TAX1BP1: variants seen among roughly 807,000 people sequenced by gnomAD.
TAX1BP1 encodes the protein Tax1 binding protein 1.
In TAX1BP1, 62 loss-of-function variants were observed where a neutral mutation model predicts 97.7. The observed-to-expected ratio is 0.63, with a 90% CI of 0.52 to 0.78. The LOEUF is 0.78. Ranked by LOEUF, TAX1BP1 falls within the 30% of genes least tolerant of loss-of-function variation. The pLI, the probability that TAX1BP1 is intolerant of heterozygous loss-of-function variation, is 0.00. For missense variants in TAX1BP1, 867 were observed against 916.1 expected (o/e 0.95, Z 0.69); for synonymous variants, 340 against 304.2 (o/e 1.12, Z -1.23).
intron 14 of TAX1BP1, 69 bp from the exon 15 acceptor site, chr7:27,816,821 A>C: frequency 6.5e-7 from 1 of 1,546,756 alleles, no homozygotes; most frequent in Non-Finnish European, 8.8e-7. Context: ...CCTGTTCATC[A>C]TATCTGTATA....
chr7:27,822,881 C>T (rs913370118), intron 15 of TAX1BP1, among the ~76,000 whole-genome samples: 3 of 152,010 alleles, frequency 2.0e-5, no homozygotes, highest in African/African-American at 4.8e-5. Context: ...TTAATTTACT[C>T]GTATGTTTTC....
At chr7:27,806,063 T>C (rs1471078960) in intron 13 of TAX1BP1, among the ~76,000 whole-genome samples, 1 of 152,014 alleles carries the variant, frequency 6.6e-6, no homozygotes, top group Non-Finnish European at 1.5e-5. Context: ...CACTTGTGTT[T>C]TGTTCTAATA....
In TAX1BP1 at chr7:27,813,703, T is replaced by C. The variant is rs546705763; in HGVS notation, c.1765-2646T>C. ...CAGGCTTGTCTCAAACAGGCAATCC[T>C]CCTGCTTTGGCCTCCCAAGTGCCAC... On this transcript the variant is annotated intron_variant, in intron 13 of 16. Coordinates refer to ENST00000396319, the MANE Select transcript of TAX1BP1 (RefSeq NM_006024.7). Among the ~76,000 whole-genome samples, 269 of 152,304 alleles carry C rather than the reference T, an allele frequency of 1.8e-3. 2 individuals carry two copies. The highest frequency in any genetic ancestry group is 0.013 in the South Asian group (62 of 4,828).
At chr7:27,806,754 T>C (rs1790357528) in intron 13 of TAX1BP1, among the ~76,000 whole-genome samples, 1 of 152,172 alleles carries the variant, frequency 6.6e-6, no homozygotes, top group Admixed American at 6.6e-5. Flanking sequence ...TAGTTTTCCA[T>C]AGCAATTTTA....
At chr7:27,817,465 G>T (rs1380157404) in intron 15 of TAX1BP1, among the ~76,000 whole-genome samples, 3 of 152,100 alleles carry the variant, frequency 2.0e-5, no homozygotes, top group Non-Finnish European at 4.4e-5. Flanking sequence ...TCCCACTTTA[G>T]ATTTTAGTGT....
chr7:27,770,083 A>G lies in TAX1BP1; in HGVS notation c.612+249A>G, dbSNP rs531413881. Among the ~76,000 whole-genome samples the G allele has an allele frequency of 1.8e-3, 268 of 152,184 alleles. 1 individual carries two copies. Among genetic ancestry groups the G allele is most frequent in the African/African-American group, 6.1e-3 (253 of 41,538 alleles). ...CTTGTTGAGGTAGTCCCTGACAACTATTTCCAGATGTTTTACATCTAATTG... is the reference window on the plus strand; with the variant it reads ...CTTGTTGAGGTAGTCCCTGACAACTGTTTCCAGATGTTTTACATCTAATTG... On this transcript the variant is annotated intron_variant, in intron 5 of 16. Coordinates refer to ENST00000396319, the MANE Select transcript of TAX1BP1 (RefSeq NM_006024.7).
At chr7:27,743,335 A>T (rs910617051) in intron 1 of TAX1BP1, among the ~76,000 whole-genome samples, 3 of 152,208 alleles carry the variant, frequency 2.0e-5, no homozygotes, top group African/African-American at 7.2e-5. Context: ...CCACAGTGTG[A>T]ATAATTGGAA....
rs117506043 is a variant in TAX1BP1 at position 27,762,127 on chromosome 7, T to G, written c.266-3707T>G. Among the ~76,000 whole-genome samples the G allele has an allele frequency of 4.1e-4, 62 of 152,364 alleles. No homozygotes were observed. The East Asian group carries it at 0.011, about 27-fold the overall frequency. ...TGGAACTTGCATATATAAAGAAATT[T>G]CCTTCTGTTCTGTGCCAGGAAACCA... On this transcript the variant is annotated intron_variant, in intron 3 of 16. Coordinates refer to ENST00000396319, the MANE Select transcript of TAX1BP1 (RefSeq NM_006024.7).
At chr7:27,815,434 G>GA (rs1409301739) in intron 13 of TAX1BP1, among the ~76,000 whole-genome samples, 17 of 152,050 alleles carry the variant, frequency 1.1e-4, no homozygotes, top group Non-Finnish European at 2.9e-5. Flanking sequence ...TACATTTATT[G>GA]ATTTTTGGAT....
At chr7:27,807,440 A>G (rs1427768815) in intron 13 of TAX1BP1, among the ~76,000 whole-genome samples, 1 of 152,154 alleles carries the variant, frequency 6.6e-6, no homozygotes, top group African/African-American at 2.4e-5. Flanking sequence ...GAACAACTTT[A>G]TAGCCTTTCT....
chr7:27,787,740 A>G, intron 8 of TAX1BP1, 137 bp downstream of exon 8: 1 of 756,966 alleles, frequency 1.3e-6, no homozygotes. Flanking sequence ...GAAGAACAGA[A>G]CAATGAATAC....
rs141927293 is a variant in TAX1BP1 at position 27,761,412 on chromosome 7, C to T, written c.265+3279C>T. Among the ~76,000 whole-genome samples, 861 of 152,258 alleles carry T rather than the reference C, an allele frequency of 5.7e-3. 2 individuals are homozygous for T. The highest frequency in any genetic ancestry group is 0.011 in the South Asian group (53 of 4,824). On this transcript the variant is annotated intron_variant, in intron 3 of 16. Coordinates refer to ENST00000396319, the MANE Select transcript of TAX1BP1 (RefSeq NM_006024.7). ...GTTGATTTTGATGAATGTATGAAGA[C>T]ATATACCTACTGTTGCAGTATCATA...
rs752956625 is a variant in TAX1BP1, at chr7:27,828,762, A to C, written c.2303A>C (p.Tyr768Ser). ...PMCSEQFPPD[Y>S]DQQVFERHVQ... ...TGCAGCGAGCAGTTCCCTCCTGACT[A>C]TGACCAGCAGGTGTTTGAAAGGCAT... Residue 768 changes from tyrosine to serine, a missense_variant, in exon 17 of 17, where the codon TAT becomes TCT. By Grantham distance (144) the Tyr-to-Ser change is moderately radical. Coordinates refer to ENST00000396319, the MANE Select transcript of TAX1BP1 (RefSeq NM_006024.7). 1.4e-5 allele frequency: 22 copies of C among 1,613,372 alleles called. No individual in the cohort carries two copies. Among genetic ancestry groups the C allele is most frequent in the Non-Finnish European group, 1.9e-5 (22 of 1,179,726 alleles).
At chr7:27,817,130 G>T (rs1790800520) in intron 15 of TAX1BP1, 92 bp downstream of exon 15, 1 of 1,425,610 alleles carries the variant, frequency 7.0e-7, no homozygotes, top group African/African-American at 1.4e-5. Context: ...GTGTATCTTT[G>T]TGCGTGCATG....
intron 13 of TAX1BP1, among the ~76,000 whole-genome samples, chr7:27,812,592 TC>T (rs1322051362): frequency 2.0e-5 from 3 of 152,214 alleles, no homozygotes; most frequent in African/African-American, 7.2e-5. Flanking sequence ...CCTATTTTTT[TC>T]TTCCAAAAGG....
At chr7:27,816,578 A>G in intron 14 of TAX1BP1, 58 bp downstream of exon 14, 1 of 1,399,026 alleles carries the variant, frequency 7.1e-7, no homozygotes, top group Non-Finnish European at 9.6e-7. Context: ...TTTATGGTTT[A>G]TATTTTCATG....
intron 13 of TAX1BP1, among the ~76,000 whole-genome samples, chr7:27,802,683 C>T (rs1344469963): frequency 6.6e-6 from 1 of 151,990 alleles, no homozygotes; most frequent in Non-Finnish European, 1.5e-5. Context: ...ATTTAAAAGG[C>T]AGATTTGGAA....
chr7:27,759,305 G>A (rs1361697339), intron 3 of TAX1BP1, among the ~76,000 whole-genome samples: 1 of 152,066 alleles, frequency 6.6e-6, no homozygotes, highest in Non-Finnish European at 1.5e-5. Flanking sequence ...TTTATTGGCA[G>A]ATTTAATCAC....
Position 27,808,478 on chromosome 7 carries a change from A to AT in TAX1BP1, c.1765-7864dup, listed in dbSNP as rs543024870. Among the ~76,000 whole-genome samples the AT allele has an allele frequency of 1.2e-3, 189 of 152,180 alleles. 2 individuals carry two copies. The highest frequency in any genetic ancestry group is 4.3e-3 in the African/African-American group (177 of 41,514). ...CTAACTAGAGTTCAACATTTGTTTC[A>AT]TTTTTTTGGTGGGTAGGGTGGAGGG... On this transcript the variant is annotated intron_variant, in intron 13 of 16. Transcript: ENST00000396319.
Sources: allele counts gnomAD v4.1 joint callset (sites outside exome capture counted in the v4.1 genomes callset), GRCh38; gene constraint gnomAD v4.1.1; transcripts MANE v1.5; gene names NCBI Gene and HGNC (gene_info 2026-07-23, HGNC 2026-07-21).